The following CFAP47 variants were observed in gnomAD, a reference collection of about 807,000 sequenced individuals.
CFAP47 encodes the protein cilia and flagella associated protein 47, also known as cilia- and flagella-associated protein 47.
A neutral mutation model predicts 148.1 loss-of-function variants in CFAP47; 29 were observed. The observed-to-expected ratio is 0.20, with a 90% CI of 0.15 to 0.27. The LOEUF is 0.27. Ranked by LOEUF, CFAP47 falls within the 10% of genes least tolerant of loss-of-function variation. The probability of loss-of-function intolerance (pLI) is 1.00; values close to 1 mark genes in which losing one functional copy is unlikely to be tolerated. For missense variants in CFAP47, 1,872 were observed against 1,697.5 expected (o/e 1.10, Z -1.81); for synonymous variants, 664 against 577.3 (o/e 1.15, Z -2.15).
chrX:36,172,569 G>C (rs1183267546), intron 39 of CFAP47, among the ~76,000 whole-genome samples: 1 of 110,520 alleles, frequency 9.0e-6, no homozygotes, highest in Non-Finnish European at 1.9e-5. Flanking sequence ...TGTGGTTTTT[G>C]TCTTTGGTTC....
At chrX:36,002,726 T>C (rs1324903312) in intron 21 of CFAP47, among the ~76,000 whole-genome samples, 1 of 111,524 alleles carries the variant, frequency 9.0e-6, no homozygotes, top group Non-Finnish European at 1.9e-5. Context: ...CATAACTAAA[T>C]TGATTCTGCT....
chrX:36,032,082 A>G (rs925049024), intron 23 of CFAP47, among the ~76,000 whole-genome samples: 5 of 111,543 alleles, frequency 4.5e-5, no homozygotes, highest in Non-Finnish European at 1.9e-5. Flanking sequence ...AAGTCAAGAA[A>G]ACTACTTTGA....
At chrX:36,085,987 C>A (rs755648853) in intron 30 of CFAP47, among the ~76,000 whole-genome samples, 2 of 111,067 alleles carry the variant, frequency 1.8e-5, no homozygotes, top group Non-Finnish European at 3.8e-5. Context: ...ATACATAAAT[C>A]CATTTAGCTA....
intron 51 of CFAP47, among the ~76,000 whole-genome samples, chrX:36,290,072 C>T (rs1443933014): frequency 3.6e-5 from 4 of 110,359 alleles, no homozygotes; most frequent in Admixed American, 9.7e-5. Flanking sequence ...TCCTCCTCCC[C>T]GCCCCTCGCC....
At chrX:35,976,167 C>A (rs1936568111) in intron 15 of CFAP47, among the ~76,000 whole-genome samples, 1 of 110,348 alleles carries the variant, frequency 9.1e-6, no homozygotes, top group African/African-American at 3.3e-5. Flanking sequence ...AAGAGAGAGA[C>A]ATTTTAAGGA....
At chrX:36,093,540 G>T (rs1046187139) in intron 30 of CFAP47, among the ~76,000 whole-genome samples, 2 of 111,023 alleles carry the variant, frequency 1.8e-5, no homozygotes, top group African/African-American at 6.5e-5. Context: ...GTGGCCATTT[G>T]CCATTTGTAT....
intron 33 of CFAP47, among the ~76,000 whole-genome samples, chrX:36,118,088 C>G (rs1039893790): frequency 9.0e-6 from 1 of 111,483 alleles, no homozygotes. Flanking sequence ...CTATTCTGTT[C>G]CCTTGGACTA....
intron 24 of CFAP47, among the ~76,000 whole-genome samples, chrX:36,037,054 A>G (rs1397952906): frequency 8.9e-6 from 1 of 111,853 alleles, no homozygotes; most frequent in Non-Finnish European, 1.9e-5. Context: ...TGTTTAGTAA[A>G]AATAATTGTT....
chrX:36,013,348 A>G (rs1382220495), intron 21 of CFAP47, among the ~76,000 whole-genome samples: 1 of 112,069 alleles, frequency 8.9e-6, no homozygotes, highest in Non-Finnish European at 1.9e-5. Flanking sequence ...TTGTCAGTCC[A>G]TTTCGGGTTT....
chrX:35,941,240 T>C (rs376295810), intron 2 of CFAP47, 43 bp from the exon 3 acceptor site: 2 of 725,514 alleles, frequency 2.8e-6, no homozygotes, highest in East Asian at 6.9e-5. Context: ...CAGGCTCTTA[T>C]GATTGTTAAA....
rs752693577 is a variant in CFAP47 at position 35,923,964 on chromosome X, T to A, written c.250-2053T>A. ...ATGTACATGTGTATATATGTACATA[T>A]ATGTGTATGTATGTGTATATATGTA... On this transcript the variant is annotated intron_variant, in intron 1 of 63. Coordinates refer to ENST00000378653, the MANE Select transcript of CFAP47 (RefSeq NM_001304548.2). Among the ~76,000 whole-genome samples the A allele has an allele frequency of 3.4e-4, 34 of 101,305 alleles. No homozygotes were observed. The South Asian group carries it at 0.014, about 43-fold the overall frequency. 88.0% of individuals were successfully genotyped at this position (101,305 alleles called of 115,157 possible). A position where few individuals can be genotyped will look rare whatever the true frequency, so the allele number is the denominator to read the frequency against.
intron 23 of CFAP47, among the ~76,000 whole-genome samples, 199 bp from the exon 24 acceptor site, chrX:36,035,496 A>G (rs1937327338): frequency 9.0e-6 from 1 of 111,676 alleles, no homozygotes; most frequent in Admixed American, 9.5e-5. Context: ...TAATGTGTCT[A>G]CCACTTCAAT....
intron 36 of CFAP47, among the ~76,000 whole-genome samples, chrX:36,146,778 CTTTTTTT>C (rs568139660): frequency 1.2e-3 from 102 of 87,770 alleles, no homozygotes; most frequent in African/African-American, 4.1e-3. Context: ...TATTTCTTTT[CTTTTTTT>C]TTTTTTTTTT....
At chrX:36,010,457 T>C (rs781219067) in intron 21 of CFAP47, among the ~76,000 whole-genome samples, 6 of 107,438 alleles carry the variant, frequency 5.6e-5, no homozygotes, top group Non-Finnish European at 1.1e-4. Context: ...GTTTAAAGTT[T>C]TGTCGTTTTT....
At chrX:36,221,966 A>C (rs1408347483) in intron 45 of CFAP47, among the ~76,000 whole-genome samples, 1 of 111,683 alleles carries the variant, frequency 9.0e-6, no homozygotes, top group Non-Finnish European at 1.9e-5. Flanking sequence ...AAAATTAATA[A>C]GTTTTTCTAT....
chrX:36,157,053 T>C (rs771438404), intron 37 of CFAP47, among the ~76,000 whole-genome samples: 42 of 110,409 alleles, frequency 3.8e-4, no homozygotes, highest in Non-Finnish European at 7.8e-4. Flanking sequence ...CTATCGATTT[T>C]ACCAATCGTG....
At chrX:36,199,421 G>T (rs781897306) in intron 42 of CFAP47, among the ~76,000 whole-genome samples, 1 of 111,969 alleles carries the variant, frequency 8.9e-6, no homozygotes, top group East Asian at 2.8e-4. Flanking sequence ...TCCTGCTTTT[G>T]TTTTTGCCTT....
At position 36,055,005 on chromosome X, in the gene CFAP47, C is replaced by T. The variant is rs1190755259; in HGVS notation, c.4217+7942C>T. ...GCCAGGATGGTCTCGATCTCCTGAC[C>T]TCATGATCCACCCGCCTCGGCCTCC... On this transcript the variant is annotated intron_variant, in intron 26 of 63. Coordinates refer to ENST00000378653, the MANE Select transcript of CFAP47 (RefSeq NM_001304548.2). Among the ~76,000 whole-genome samples, 8 of 109,872 alleles carry T rather than the reference C, an allele frequency of 7.3e-5. No individual in the cohort carries two copies. The Admixed American group carries it at 7.8e-4, about 11-fold the overall frequency.
intron 33 of CFAP47, among the ~76,000 whole-genome samples, chrX:36,119,838 TTGGCATATAGTTGCTCATAG>T (rs1938708308): frequency 8.9e-6 from 1 of 111,778 alleles, no homozygotes; most frequent in Non-Finnish European, 1.9e-5. Context: ...TTCCAATTTA[TTGGCATATAGTTGCTCATAG>T]TGTCTTCTAA....
Sources: allele counts gnomAD v4.1 joint callset (sites outside exome capture counted in the v4.1 genomes callset), GRCh38; gene constraint gnomAD v4.1.1; transcripts MANE v1.5; gene names NCBI Gene and HGNC (gene_info 2026-07-23, HGNC 2026-07-21).